The following CADPS2 variants were observed in gnomAD, a reference collection of about 807,000 sequenced individuals.
The protein encoded by CADPS2 is calcium-dependent secretion activator 2.
In CADPS2, 93 loss-of-function variants were observed where a neutral mutation model predicts 172.5. The ratio of observed to expected loss-of-function variants is 0.54; its 90% confidence interval spans 0.46 to 0.64. The LOEUF (loss-of-function observed/expected upper bound fraction) is 0.64, where lower values mean the gene tolerates loss of function less well. Among genes scored for constraint, CADPS2 ranks in the 30% least tolerant of loss-of-function variants. CADPS2 has a pLI of 0.00. For synonymous variants in CADPS2, 546 were observed against 555.2 expected (o/e 0.98, Z 0.23); for missense variants, 1,420 against 1,565.9 (o/e 0.91, Z 1.57).
intron 9 of CADPS2, among the ~76,000 whole-genome samples, chr7:122,499,995 C>T (rs1223109594): frequency 6.6e-6 from 1 of 152,144 alleles, no homozygotes; most frequent in Non-Finnish European, 1.5e-5. Flanking sequence ...GCCTGGCTCA[C>T]AAACATTTCC....
chr7:122,369,555 C>CA (rs959565518), intron 25 of CADPS2: 1 of 152,156 alleles, frequency 6.6e-6, no homozygotes, highest in Non-Finnish European at 1.5e-5. Context: ...ATAATCACAT[C>CA]AATATTTTGA....
intron 2 of CADPS2, among the ~76,000 whole-genome samples, chr7:122,704,712 T>C (rs944283345): frequency 6.6e-6 from 1 of 152,066 alleles, no homozygotes; most frequent in Non-Finnish European, 1.5e-5. Flanking sequence ...CCCTCTCTTC[T>C]GCCCTCGTCT....
At chr7:122,802,290 AG>A (rs1188425488) in intron 1 of CADPS2, among the ~76,000 whole-genome samples, 2 of 152,204 alleles carry the variant, frequency 1.3e-5, no homozygotes, top group Non-Finnish European at 2.9e-5. Context: ...TGAGAAAAAA[AG>A]AAATACCAGA....
chr7:122,674,688 T>C (rs563486462), intron 2 of CADPS2, among the ~76,000 whole-genome samples: 32 of 152,352 alleles, frequency 2.1e-4, no homozygotes, highest in African/African-American at 7.5e-4. Flanking sequence ...GCATTACTTC[T>C]TTGATTTAAA....
In CADPS2 at chr7:122,847,681, A is replaced by G. The variant is rs553004606; in HGVS notation, c.339+38318T>C. Among the ~76,000 whole-genome samples, 62 of 152,318 alleles carry G rather than the reference A, an allele frequency of 4.1e-4. 1 individual carries two copies. The highest frequency in any genetic ancestry group is 1.5e-3 in the African/African-American group (62 of 41,582). On this transcript the variant is annotated intron_variant, in intron 1 of 29. Transcript: ENST00000449022. ...GCGTGGGAAAACTTAGATTTTCCAAAGTAAATTTGCCTTAGCTCACATTTC... is the reference window on the plus strand; with the variant it reads ...GCGTGGGAAAACTTAGATTTTCCAAGGTAAATTTGCCTTAGCTCACATTTC...
intron 3 of CADPS2, among the ~76,000 whole-genome samples, chr7:122,641,159 T>C (rs566466682): frequency 6.6e-6 from 1 of 152,278 alleles, no homozygotes; most frequent in Admixed American, 6.5e-5. Context: ...ACAGATGTCC[T>C]TTCCTGGCAG....
chr7:122,645,356 TAC>T (rs1323785449), intron 3 of CADPS2, among the ~76,000 whole-genome samples: 2 of 110,558 alleles, frequency 1.8e-5, no homozygotes, highest in Admixed American at 9.0e-5. Flanking sequence ...TGTGTGTGTA[TAC>T]ATGTACATGT....
At chr7:122,392,761 A>G (rs914685915) in intron 22 of CADPS2, among the ~76,000 whole-genome samples, 5 of 152,188 alleles carry the variant, frequency 3.3e-5, no homozygotes, top group Non-Finnish European at 5.9e-5. Flanking sequence ...ATAAAAATAG[A>G]AAAATATTAT....
intron 1 of CADPS2, among the ~76,000 whole-genome samples, chr7:122,809,887 C>G (rs886924359): frequency 2.6e-5 from 4 of 152,076 alleles, no homozygotes; most frequent in African/African-American, 9.7e-5. Context: ...AACCTCTAAG[C>G]CAGAATTTCC....
chr7:122,471,441 G>A lies in CADPS2; in HGVS notation c.2120C>T (p.Ala707Val), dbSNP rs1312428349. 1 of 1,613,614 alleles carries A rather than the reference G, an allele frequency of 6.2e-7. No homozygotes were observed. Among genetic ancestry groups the A allele is most frequent in the Admixed American group, 1.7e-5 (1 of 59,952 alleles). The change falls in exon 14 of 30, where the codon GCT becomes GTT. Residue 707 changes from alanine to valine, a missense_variant. Transcript: ENST00000449022. ...AELMEHSENG[A>V]VIDPTLLHYS... ...ATGGAGCAGGGTAGGGTCAATGACAGCACCATTTTCTGAATGTTCCATCAG... is the reference window on the plus strand; with the variant it reads ...ATGGAGCAGGGTAGGGTCAATGACAACACCATTTTCTGAATGTTCCATCAG...
rs760819711 is a variant in CADPS2, at chr7:122,629,365, C to A, written c.787-37G>T. 25 of 1,532,442 alleles carry A rather than the reference C, an allele frequency of 1.6e-5. No individual in the cohort carries two copies. The African/African-American group carries it at 2.8e-4, about 17-fold the overall frequency. 94.9% of individuals were successfully genotyped at this position (1,532,442 alleles called of 1,614,324 possible). On this transcript the variant is annotated intron_variant, in intron 3 of 29. Transcript: ENST00000449022. Reference sequence around the variant, plus strand: ...AACAGAAGTTACACATATGTAATTACTTAATCTATATACAGTGACCCACAG... The same window carrying A: ...AACAGAAGTTACACATATGTAATTAATTAATCTATATACAGTGACCCACAG...
intron 4 of CADPS2, among the ~76,000 whole-genome samples, chr7:122,622,661 A>G (rs2075721154): frequency 1.3e-5 from 2 of 152,200 alleles, no homozygotes; most frequent in Admixed American, 1.3e-4. Flanking sequence ...TCTTAAAGAC[A>G]GAGGGTATAT....
chr7:122,492,033 G>A (rs1426228229), intron 9 of CADPS2, among the ~76,000 whole-genome samples: 2 of 152,106 alleles, frequency 1.3e-5, no homozygotes, highest in African/African-American at 2.4e-5. Context: ...TTAGCCAGGC[G>A]TGGTGGCACA....
At position 122,770,743 on chromosome 7, in the gene CADPS2, G is replaced by A. The variant is rs75486808; in HGVS notation, c.340-33675C>T. Among the ~76,000 whole-genome samples, 414 of 152,278 alleles carry A rather than the reference G, an allele frequency of 2.7e-3. 3 individuals are homozygous for A. The highest frequency in any genetic ancestry group is 9.6e-3 in the African/African-American group (398 of 41,560). On this transcript the variant is annotated intron_variant, in intron 1 of 29. Coordinates refer to ENST00000449022, the MANE Select transcript of CADPS2 (RefSeq NM_017954.11). ...TCTAAAGGTGCCTGCATTATAGATG[G>A]CGGCACCCACAGGGCAGATGTGGAC...
chr7:122,517,383 G>T (rs1363125423), intron 8 of CADPS2, among the ~76,000 whole-genome samples: 2 of 152,064 alleles, frequency 1.3e-5, no homozygotes, highest in East Asian at 3.9e-4. Context: ...GTCTTTTTGT[G>T]TAGGCATGTC....
At chr7:122,729,092 C>T (rs1809163815) in intron 2 of CADPS2, among the ~76,000 whole-genome samples, 1 of 151,750 alleles carries the variant, frequency 6.6e-6, no homozygotes, top group South Asian at 2.1e-4. Context: ...CTCTTAGATT[C>T]TACATATGAG....
intron 2 of CADPS2, among the ~76,000 whole-genome samples, chr7:122,721,334 G>T (rs943178354): frequency 6.6e-6 from 1 of 151,766 alleles, no homozygotes; most frequent in Admixed American, 6.6e-5. Flanking sequence ...TCAAATAGAC[G>T]CAATAAAAAT....
At chr7:122,553,013 A>C (rs1563681250) in intron 8 of CADPS2, among the ~76,000 whole-genome samples, 1 of 152,082 alleles carries the variant, frequency 6.6e-6, no homozygotes, top group Non-Finnish European at 1.5e-5. Flanking sequence ...CTGCCTTTGT[A>C]CATGCTGTCA....
intron 28 of CADPS2, among the ~76,000 whole-genome samples, chr7:122,332,242 A>T (rs1292421105): frequency 1.3e-5 from 2 of 152,134 alleles, no homozygotes; most frequent in African/African-American, 4.8e-5. Context: ...CATCTCATAT[A>T]CTCTCTTAAG....
Sources: allele counts gnomAD v4.1 joint callset (sites outside exome capture counted in the v4.1 genomes callset), GRCh38; gene constraint gnomAD v4.1.1; transcripts MANE v1.5; gene names NCBI Gene and HGNC (gene_info 2026-07-23, HGNC 2026-07-21).